Variants in ATXN1 observed in about 807,000 individuals in gnomAD.
ATXN1 encodes the protein ataxin 1, also known as ataxin-1.
Under a neutral mutation model 56.4 loss-of-function variants are expected in ATXN1, and 8 were observed. The ratio of observed to expected loss-of-function variants is 0.14; its 90% CI spans 0.08 to 0.26. ATXN1 has a LOEUF of 0.26. Ranked by LOEUF, ATXN1 falls within the 10% of genes least tolerant of loss-of-function variation. ATXN1 has a pLI of 1.00. For missense variants in ATXN1, 987 were observed against 1,106.5 expected (o/e 0.89, Z 1.53); for synonymous variants, 514 against 494.6 (o/e 1.04, Z -0.52).
intron 6 of ATXN1, among the ~76,000 whole-genome samples, chr6:16,401,095 C>G (rs1012955592): frequency 6.6e-6 from 1 of 152,092 alleles, no homozygotes; most frequent in African/African-American, 2.4e-5. Flanking sequence ...AGAGTTGACC[C>G]ACATATGCTA....
chr6:16,537,258 T>G (rs1307162421), intron 4 of ATXN1, among the ~76,000 whole-genome samples: 1 of 152,122 alleles, frequency 6.6e-6, no homozygotes, highest in Non-Finnish European at 1.5e-5. Context: ...GTCTAGAGTA[T>G]TTCCTTGCTA....
intron 6 of ATXN1, among the ~76,000 whole-genome samples, chr6:16,441,261 A>C (rs149778805): frequency 5.5e-4 from 84 of 152,308 alleles, no homozygotes; most frequent in African/African-American, 1.9e-3. Context: ...AATTTAGCCA[A>C]AGTGAAGGGA....
chr6:16,571,249 A>C (rs1762326165), intron 4 of ATXN1, among the ~76,000 whole-genome samples: 1 of 144,220 alleles, frequency 6.9e-6, no homozygotes, highest in South Asian at 2.1e-4. Flanking sequence ...GTGGAAAGAC[A>C]AAGTATTTTT....
rs557417588 is a variant in ATXN1 at position 16,378,832 on chromosome 6, G to A, written c.-160-50362C>T. Among the ~76,000 whole-genome samples, 99 of 152,120 alleles carry A rather than the reference G, an allele frequency of 6.5e-4. 1 individual carries two copies. Among genetic ancestry groups the A allele is most frequent in the South Asian group, 4.1e-4 (2 of 4,822 alleles). On this transcript the variant is annotated intron_variant, in intron 6 of 7. Coordinates refer to ENST00000436367, the MANE Select transcript of ATXN1 (RefSeq NM_001128164.2). ...ACCTCAGCTTCCCAAAATGCTGGGA[G>A]TATAGGCATGAGCACAGTGCCCAGA...
rs1160603780 is a variant in ATXN1, at chr6:16,401,375, T to G, written c.-160-72905A>C. Among the ~76,000 whole-genome samples the G allele has an allele frequency of 3.9e-5, 6 of 152,184 alleles. No individual in the cohort carries two copies. In the East Asian group the frequency reaches 9.6e-4, roughly 24 times the overall value. Reference sequence around the variant, plus strand: ...TGGGAAGCTGAGGCAGGAGGATCACTTGACACCAGGAGGTCAAGATCAGCC... The same window carrying G: ...TGGGAAGCTGAGGCAGGAGGATCACGTGACACCAGGAGGTCAAGATCAGCC... On this transcript the variant is annotated intron_variant, in intron 6 of 7. Transcript: ENST00000436367.
intron 1 of ATXN1, 132 bp from the exon 2 acceptor site, chr6:16,753,479 T>A: frequency 2.5e-6 from 1 of 401,248 alleles, no homozygotes. Flanking sequence ...TTCGGCATTC[T>A]GTTGTATGAG....
At chr6:16,651,749 C>T (rs774744047) in intron 3 of ATXN1, among the ~76,000 whole-genome samples, 4 of 152,184 alleles carry the variant, frequency 2.6e-5, no homozygotes, top group Non-Finnish European at 4.4e-5. Context: ...AATCATTGAG[C>T]TTAAACTCTG....
intron 7 of ATXN1, among the ~76,000 whole-genome samples, chr6:16,318,007 T>A (rs1760555652): frequency 6.6e-6 from 1 of 152,212 alleles, no homozygotes; most frequent in African/African-American, 2.4e-5. Context: ...GAAAATTCAA[T>A]AAAATTCCTT....
intron 6 of ATXN1, among the ~76,000 whole-genome samples, chr6:16,458,132 C>T (rs1430218453): frequency 2.6e-5 from 4 of 152,250 alleles, no homozygotes; most frequent in Non-Finnish European, 5.9e-5. Flanking sequence ...TACCTGGTAT[C>T]TTAGTCAAGT....
intron 2 of ATXN1, among the ~76,000 whole-genome samples, chr6:16,698,525 CCA>C (rs1759213122): frequency 6.6e-6 from 1 of 151,938 alleles, no homozygotes; most frequent in Admixed American, 6.6e-5. Flanking sequence ...CAGATAATTT[CCA>C]CAGTGTATGG....
intron 6 of ATXN1, among the ~76,000 whole-genome samples, chr6:16,360,068 G>A (rs78330169): frequency 0.028 from 4,293 of 151,872 alleles, 149 homozygotes; most frequent in African/African-American, 0.074. Context: ...ACCTATGGAC[G>A]TAAAAAATAA....
chr6:16,365,715 A>C (rs2113482022), intron 6 of ATXN1, among the ~76,000 whole-genome samples: 1 of 152,358 alleles, frequency 6.6e-6, no homozygotes, highest in East Asian at 1.9e-4. Context: ...AAAACTGTTT[A>C]CAAGCAGTGT....
chr6:16,652,436 T>G (rs1202546789), intron 3 of ATXN1, among the ~76,000 whole-genome samples: 1 of 152,220 alleles, frequency 6.6e-6, no homozygotes, highest in South Asian at 2.1e-4. Flanking sequence ...AATCATTTTT[T>G]TCTGTTTTCC....
At chr6:16,498,786 A>G (rs893400500) in intron 5 of ATXN1, among the ~76,000 whole-genome samples, 4 of 152,178 alleles carry the variant, frequency 2.6e-5, no homozygotes, top group Non-Finnish European at 5.9e-5. Context: ...CTTATTGGCT[A>G]TTTATATATC....
At chr6:16,674,217 A>G (rs1379343883) in intron 2 of ATXN1, among the ~76,000 whole-genome samples, 2 of 152,022 alleles carry the variant, frequency 1.3e-5, no homozygotes, top group African/African-American at 4.8e-5. Flanking sequence ...CAAGGGAAAC[A>G]TGGCTTTTCC....
intron 6 of ATXN1, among the ~76,000 whole-genome samples, chr6:16,366,418 A>T (rs1189522449): frequency 2.0e-5 from 3 of 152,296 alleles, no homozygotes; most frequent in East Asian, 3.9e-4. Flanking sequence ...AGAATATAAC[A>T]AAAGGGCCTC....
chr6:16,744,996 C>T (rs951380931), intron 2 of ATXN1, among the ~76,000 whole-genome samples: 5 of 152,152 alleles, frequency 3.3e-5, no homozygotes, highest in Admixed American at 6.5e-5. Flanking sequence ...TAGAAAACAT[C>T]AAGACTTCCA....
intron 2 of ATXN1, among the ~76,000 whole-genome samples, chr6:16,659,369 C>T (rs985944619): frequency 6.6e-6 from 1 of 152,170 alleles, no homozygotes; most frequent in Admixed American, 6.5e-5. Context: ...TTTACTTTAC[C>T]GGCTTGGTAA....
At chr6:16,735,777 C>T (rs547471357) in intron 2 of ATXN1, among the ~76,000 whole-genome samples, 5 of 152,014 alleles carry the variant, frequency 3.3e-5, no homozygotes, top group African/African-American at 9.6e-5. Flanking sequence ...GAGCTGAGAT[C>T]GTGCCATTGC....
Sources: allele counts gnomAD v4.1 joint callset (sites outside exome capture counted in the v4.1 genomes callset), GRCh38; gene constraint gnomAD v4.1.1; transcripts MANE v1.5; gene names NCBI Gene and HGNC (gene_info 2026-07-23, HGNC 2026-07-21).